DNAH17: variants seen among roughly 807,000 people sequenced by gnomAD.
DNAH17 encodes dynein axonemal heavy chain 17.
DNAH17 carries 376 observed loss-of-function variants against 485.6 expected under a neutral mutation model. That is an observed-to-expected ratio of 0.77 (90% confidence interval 0.71 to 0.84). The LOEUF (loss-of-function observed/expected upper bound fraction) is 0.84, where lower values mean the gene tolerates loss of function less well. Ranked by LOEUF, DNAH17 falls within the 40% of genes least tolerant of loss-of-function variation. The pLI is 0.00. For missense variants in DNAH17, 6,370 were observed against 5,839.3 expected (o/e 1.09, Z -2.96); for synonymous variants, 3,031 against 2,405.9 (o/e 1.26, Z -7.60).
chr17:78,476,700 T>C lies in DNAH17; in HGVS notation c.8026A>G (p.Thr2676Ala). Reference sequence around the variant, plus strand: ...CAAAGGCGGACGAGGTCCAGTGGGGTTTTCAGAACTTCTGCTGTGGAAAAT... The same window carrying C: ...CAAAGGCGGACGAGGTCCAGTGGGGCTTTCAGAACTTCTGCTGTGGAAAAT... The part of the protein sequence containing the change: ...LLFSTAEVLK[T>A]PLDLVRLWLH... The change falls in exon 52 of 81, where the codon ACC (threonine) becomes GCC (alanine). Residue 2676 changes from threonine (T) to alanine (A), a missense_variant. Transcript: ENST00000389840. 1.9e-6 allele frequency: 3 copies of C among 1,612,350 alleles called. No homozygotes were observed. The highest frequency in any genetic ancestry group is 2.5e-6 in the Non-Finnish European group (3 of 1,179,276).
At chr17:78,464,086 G>A (rs1329851939) in intron 56 of DNAH17, among the ~76,000 whole-genome samples, 1 of 152,156 alleles carries the variant, frequency 6.6e-6, no homozygotes, top group Non-Finnish European at 1.5e-5. Flanking sequence ...GGTTTATTCT[G>A]TCCTACTTAA....
Position 78,489,078 on chromosome 17 carries a change from T to C in DNAH17, c.6818+1621A>G, listed in dbSNP as rs190512053. 1.4e-4 allele frequency among the ~76,000 whole-genome samples: 22 copies of C among 152,250 alleles called. No individual in the cohort carries two copies. In the East Asian group the frequency reaches 3.3e-3, roughly 23 times the overall value. On this transcript the variant is annotated intron_variant, in intron 44 of 80. Coordinates refer to ENST00000389840, the MANE Select transcript of DNAH17 (RefSeq NM_173628.4). ...GAATGCTGTATAAGCAGGCAAGTGT[T>C]GCTGGAGAAGCCGGCACAGAGGCAC...
At position 78,568,844 on chromosome 17, in the gene DNAH17, A is replaced by AT. The variant is rs2092308714; in HGVS notation, c.1284+321dup. On this transcript the variant is annotated intron_variant, in intron 9 of 80. Coordinates refer to ENST00000389840, the MANE Select transcript of DNAH17 (RefSeq NM_173628.4). ...CCTTCATAAGTCTCCATTTGTAATA[A>AT]TTGAGTCCCACTAAGTGACTGCTGT... is the stretch of plus-strand genomic sequence containing the variant. Among the ~76,000 whole-genome samples, 7 of 152,178 alleles carry AT rather than the reference A, an allele frequency of 4.6e-5. No homozygotes were observed. In the South Asian group the frequency reaches 1.4e-3, roughly 32 times the overall value.
rs953388197 is a variant in DNAH17 at position 78,423,750 on chromosome 17, C to T, written c.*156G>A. 1 of 974,334 alleles carries T rather than the reference C, an allele frequency of 1.0e-6. No individual in the cohort carries two copies. Among genetic ancestry groups the T allele is most frequent in the African/African-American group, 1.6e-5 (1 of 61,452 alleles). The allele number at this position is 974,334 out of a possible 1,614,324, so 60.4% of individuals were successfully genotyped here. ...CCACCTCTTCCACACCAACCTCCAC[C>T]CTCTGGTTCCGATGTGCTTGGTTAC... is the stretch of plus-strand genomic sequence containing the variant. On this transcript the variant is annotated 3_prime_UTR_variant, in exon 81 of 81. Transcript: ENST00000389840.
At chr17:78,487,508 C>T (rs962176479) in intron 44 of DNAH17, among the ~76,000 whole-genome samples, 3 of 152,114 alleles carry the variant, frequency 2.0e-5, no homozygotes, top group African/African-American at 4.8e-5. Context: ...CTGCGCTGAC[C>T]GGCAGACGTG....
rs779567057 is a variant in DNAH17 at position 78,561,789 on chromosome 17, C to T, written c.1761G>A (p.Gly587=). Residue 587 remains glycine, a synonymous_variant, in exon 12 of 81, where the codon GGG becomes GGA. Transcript: ENST00000389840. ...GCAGCTCCAGGCTCCATTTGAGCTG[C>T]CCGGCCACGGGAGGCATGTTTTTGT... ...LIHKNMPPVA[G]QLKWSLELQE... is the part of the protein sequence containing the mutation. The T allele has an allele frequency of 4.3e-6, 7 of 1,613,508 alleles. No homozygotes were observed. The highest frequency in any genetic ancestry group is 1.3e-5 in the African/African-American group (1 of 75,040).
chr17:78,435,294 G>A (rs149076203), intron 74 of DNAH17, among the ~76,000 whole-genome samples: 5 of 152,264 alleles, frequency 3.3e-5, no homozygotes, highest in African/African-American at 4.8e-5. Flanking sequence ...CATCCGATCC[G>A]GTGCTTTTCA....
At chr17:78,452,734 T>A (rs2087607993) in intron 65 of DNAH17, among the ~76,000 whole-genome samples, 1 of 152,076 alleles carries the variant, frequency 6.6e-6, no homozygotes, top group Non-Finnish European at 1.5e-5. Context: ...CGAGACTCCA[T>A]CTCAAAAAAC....
intron 26 of DNAH17, among the ~76,000 whole-genome samples, chr17:78,511,040 C>T (rs2090624124): frequency 6.6e-6 from 1 of 152,240 alleles, no homozygotes; most frequent in Non-Finnish European, 1.5e-5. Flanking sequence ...TCCCCCGGAG[C>T]CTCTAGAAGG....
In DNAH17 at chr17:78,575,003, C is replaced by T. The variant is rs770680665; in HGVS notation, c.55G>A (p.Val19Ile). The T allele has an allele frequency of 2.6e-5, 42 of 1,613,844 alleles. 1 individual carries two copies. Among genetic ancestry groups the T allele is most frequent in the Middle Eastern group, 3.3e-4 (2 of 6,084 alleles). The change falls in exon 2 of 81, where the codon GTC becomes ATC. Residue 19 changes from valine (V) to isoleucine (I), a missense_variant. By Grantham distance (29) the Val-to-Ile change is conservative (BLOSUM62 3). Transcript: ENST00000389840. ...CACTTGTCCGGCTTGAACTTCAGGACGATGGAGGCAACTTCCTCCAGATAC... is the reference window on the plus strand; with the variant it reads ...CACTTGTCCGGCTTGAACTTCAGGATGATGGAGGCAACTTCCTCCAGATAC... ...LEYLEEVASI[V>I]LKFKPDKWSK...
rs562455545 is a variant in DNAH17, at chr17:78,569,474, G to A, written c.1098C>T (p.Ile366=). 37 of 1,611,286 alleles carry A rather than the reference G, an allele frequency of 2.3e-5. 1 individual carries two copies. Among genetic ancestry groups the A allele is most frequent in the Middle Eastern group, 1.7e-4 (1 of 6,060 alleles). The change falls in exon 8 of 81, where the codon ATC becomes ATT. Residue 366 remains isoleucine, a synonymous_variant. Transcript: ENST00000389840. ...GGGAGATGCCACTCAGGACTTCCTCGATTTCACCTTGCAGGCCCTTCAGCA... is the reference window on the plus strand; with the variant it reads ...GGGAGATGCCACTCAGGACTTCCTCAATTTCACCTTGCAGGCCCTTCAGCA... ...EEVLKGLQGE[I]EEVLSGISLA... is the part of the protein sequence containing the mutation.
At chr17:78,563,874 C>A (rs185675182) in intron 11 of DNAH17, among the ~76,000 whole-genome samples, 1 of 152,102 alleles carries the variant, frequency 6.6e-6, no homozygotes, top group African/African-American at 2.4e-5. Context: ...GAACAGATGG[C>A]GATGGAAATG....
At chr17:78,526,083 A>T (rs2091062974) in intron 24 of DNAH17, among the ~76,000 whole-genome samples, 1 of 152,210 alleles carries the variant, frequency 6.6e-6, no homozygotes, top group African/African-American at 2.4e-5. Flanking sequence ...AGCACCCCAC[A>T]TGCTCCTGCC....
rs2088598999 is a variant in DNAH17, at chr17:78,468,608, G to A, written c.8778+9C>T. The A allele has an allele frequency of 1.2e-6, 2 of 1,609,692 alleles. No homozygotes were observed. Among genetic ancestry groups the A allele is most frequent in the South Asian group, 1.1e-5 (1 of 90,524 alleles). The stretch of plus-strand genomic sequence containing the variant: ...GCTCTTGAGGCCCTGCCGAAGACGG[G>A]AGCCCCACCTTGAGCTGTCTGCGCA... On this transcript the variant is annotated intron_variant, in intron 55 of 80. Coordinates refer to ENST00000389840, the MANE Select transcript of DNAH17 (RefSeq NM_173628.4).
At chr17:78,541,248 TGAGCAGATGGGTGGGGGGG>T (rs2091571843) in intron 17 of DNAH17, among the ~76,000 whole-genome samples, 1 of 6,412 alleles carries the variant, frequency 1.6e-4, no homozygotes, top group African/African-American at 7.9e-4. Flanking sequence ...GGTGGGGGGG[TGAGCAGATGGGTGGGGGGG>T]TGGGGGGTAA....
chr17:78,561,642 G>A, intron 12 of DNAH17, 73 bp downstream of exon 12: 14 of 1,493,348 alleles, frequency 9.4e-6, no homozygotes, highest in Non-Finnish European at 1.3e-5. Flanking sequence ...CCCGCTCGGG[G>A]TTGGGACAGT....
At chr17:78,465,455 G>A (rs1422109283) in intron 56 of DNAH17, among the ~76,000 whole-genome samples, 7 of 144,208 alleles carry the variant, frequency 4.9e-5, no homozygotes, top group Admixed American at 2.8e-4. Context: ...GAGCGTCTCC[G>A]CCCGGCTGCC....
At chr17:78,460,573 C>G (rs1434221958) in intron 58 of DNAH17, among the ~76,000 whole-genome samples, 2 of 152,214 alleles carry the variant, frequency 1.3e-5, no homozygotes, top group African/African-American at 2.4e-5. Flanking sequence ...GCCGACATCC[C>G]TGTGTGTGTG....
rs376162267 is a variant in DNAH17 at position 78,558,263 on chromosome 17, C to G, written c.2032-9G>C. 7.4e-6 allele frequency: 12 copies of G among 1,612,624 alleles called. No homozygotes were observed. The highest frequency in any genetic ancestry group is 1.0e-5 in the Non-Finnish European group (12 of 1,179,346). On this transcript the variant is annotated splice_polypyrimidine_tract_variant and intron_variant, in intron 13 of 80. Transcript: ENST00000389840. ...CTCAGAACTGCCACCAACTAAATGA[C>G]AAACGAAGATCAAAGAACATGTCAG...
Sources: allele counts gnomAD v4.1 joint callset (sites outside exome capture counted in the v4.1 genomes callset), GRCh38; gene constraint gnomAD v4.1.1; transcripts MANE v1.5; gene names NCBI Gene and HGNC (gene_info 2026-07-23, HGNC 2026-07-21).